PDZD2: variants seen among roughly 807,000 people sequenced by gnomAD.
The protein encoded by PDZD2 is PDZ domain containing 2, also known as PDZ domain-containing protein 2.
PDZD2 carries 90 observed loss-of-function variants against 220.7 expected under a neutral mutation model. The observed-to-expected ratio is 0.41, with a 90% CI of 0.34 to 0.49. PDZD2 has a LOEUF of 0.49. Ranked by LOEUF, PDZD2 falls within the 20% of genes least tolerant of loss-of-function variation. The pLI is 0.28. For missense variants in PDZD2, 3,174 were observed against 3,608.5 expected (o/e 0.88, Z 3.08); for synonymous variants, 1,375 against 1,450.5 (o/e 0.95, Z 1.18).
chr5:31,848,025 A>G, intron 2 of PDZD2: 1 of 374,026 alleles, frequency 2.7e-6, no homozygotes, highest in Non-Finnish European at 5.2e-6. Flanking sequence ...ATCTATGAGA[A>G]GAAGCCTAAG....
chr5:31,775,563 G>C (rs935655455), intron 1 of PDZD2, among the ~76,000 whole-genome samples: 1 of 152,024 alleles, frequency 6.6e-6, no homozygotes, highest in African/African-American at 2.4e-5. Context: ...CAACTGTTTG[G>C]CCCAAGTCAA....
chr5:31,888,747 G>A (rs2150345277), intron 2 of PDZD2, among the ~76,000 whole-genome samples: 1 of 152,300 alleles, frequency 6.6e-6, no homozygotes, highest in South Asian at 2.1e-4. Context: ...CCTGAGAGAA[G>A]TCCGTAAGCT....
intron 1 of PDZD2, among the ~76,000 whole-genome samples, chr5:31,762,048 G>T (rs185765509): frequency 6.6e-6 from 1 of 152,112 alleles, no homozygotes; most frequent in East Asian, 1.9e-4. Context: ...TAAACAACCA[G>T]ATCTGGTGAG....
At chr5:31,795,362 A>C (rs1307169300) in intron 1 of PDZD2, among the ~76,000 whole-genome samples, 21 of 152,228 alleles carry the variant, frequency 1.4e-4, no homozygotes, top group Admixed American at 1.4e-3. Context: ...AAATTATCTC[A>C]GTAACAGAAG....
intron 2 of PDZD2, among the ~76,000 whole-genome samples, chr5:31,826,444 G>A (rs1299401209): frequency 5.9e-5 from 9 of 152,008 alleles, no homozygotes; most frequent in African/African-American, 1.7e-4. Context: ...AAGCCGAGGC[G>A]GGTGGATCAT....
In PDZD2 at chr5:32,061,113, C is replaced by T; in HGVS notation, c.2430C>T (p.Ile810=). The change falls in exon 14 of 25, where the codon ATC becomes ATT. Residue 810 remains isoleucine, a synonymous_variant. Coordinates refer to ENST00000438447, the MANE Select transcript of PDZD2 (RefSeq NM_178140.4). ...KCPPGPVRLV[I]GRHPNPKVSE... Reference sequence around the variant, plus strand: ...CTCCAGGACCCGTTCGCCTTGTCATCGGCCGGCACCCTAATCCAAAGGTGA... The same window carrying T: ...CTCCAGGACCCGTTCGCCTTGTCATTGGCCGGCACCCTAATCCAAAGGTGA... 3 of 1,614,162 alleles carry T rather than the reference C, an allele frequency of 1.9e-6. No homozygotes were observed. The highest frequency in any genetic ancestry group is 1.7e-6 in the Non-Finnish European group (2 of 1,180,014).
At chr5:31,677,288 C>G (rs984171621) in intron 1 of PDZD2, among the ~76,000 whole-genome samples, 1 of 151,936 alleles carries the variant, frequency 6.6e-6, no homozygotes, top group African/African-American at 2.4e-5. Context: ...AGAGTGAGAC[C>G]CTGTCTCTAA....
At chr5:31,879,393 G>GAA (rs11320736) in intron 2 of PDZD2, among the ~76,000 whole-genome samples, 2 of 130,682 alleles carry the variant, frequency 1.5e-5, no homozygotes, top group African/African-American at 2.8e-5. Context: ...TCTCAAAAAG[G>GAA]AAAAAAAAAA....
chr5:31,665,903 G>C (rs1487691188), intron 1 of PDZD2, among the ~76,000 whole-genome samples: 1 of 152,224 alleles, frequency 6.6e-6, no homozygotes, highest in East Asian at 1.9e-4. Flanking sequence ...CTAGAGAAAA[G>C]AGAGGCAGGG....
chr5:31,953,158 C>T (rs1396920331), intron 2 of PDZD2, among the ~76,000 whole-genome samples: 1 of 151,548 alleles, frequency 6.6e-6, no homozygotes. Flanking sequence ...AAGAGTGTGG[C>T]ATAGGAACTG....
chr5:31,983,761 G>A (rs912730825), intron 3 of PDZD2, 105 bp downstream of exon 3: 7 of 1,155,594 alleles, frequency 6.1e-6, no homozygotes, highest in Non-Finnish European at 8.7e-6. Context: ...CTCAGAACCA[G>A]AATTTTGAAA....
At chr5:31,924,785 A>G (rs2062483527) in intron 2 of PDZD2, among the ~76,000 whole-genome samples, 1 of 152,244 alleles carries the variant, frequency 6.6e-6, no homozygotes, top group Admixed American at 6.5e-5. Context: ...GAGCTCCCAG[A>G]GCCTTGAGGC....
At chr5:31,754,625 C>T (rs1751203919) in intron 1 of PDZD2, 1 of 152,096 alleles carries the variant, frequency 6.6e-6, no homozygotes, top group African/African-American at 2.4e-5. Context: ...GTAGAGCATG[C>T]CTTTAAAAGA....
In PDZD2 at chr5:32,089,725, G is replaced by T; in HGVS notation, c.6277G>T (p.Val2093Leu). 1 of 1,614,174 alleles carries T rather than the reference G, an allele frequency of 6.2e-7. No homozygotes were observed. The highest frequency in any genetic ancestry group is 2.2e-5 in the East Asian group (1 of 44,868). The stretch of plus-strand genomic sequence containing the variant: ...CGAAAGAACAAACCAGCTGAAAATC[G>T]TGGAGATTTCTGCTGAAGCAGTGTC... ...RLERTNQLKIVEISAEAVSET... is the reference protein window; with the variant it reads ...RLERTNQLKILEISAEAVSET... Residue 2093 changes from valine to leucine, a missense_variant, in exon 20 of 25, where the codon GTG (valine) becomes TTG (leucine). Val to Leu is a conservative substitution (Grantham distance 32). Transcript: ENST00000438447.
At chr5:31,701,180 G>A (rs1281984359) in intron 1 of PDZD2, among the ~76,000 whole-genome samples, 1 of 147,990 alleles carries the variant, frequency 6.8e-6, no homozygotes, top group African/African-American at 2.5e-5. Context: ...TATGGAAAGG[G>A]GGCAGGCCTG....
chr5:32,057,997 T>G lies in PDZD2; in HGVS notation c.2094T>G (p.Ser698Arg). The G allele has an allele frequency of 6.2e-7, 1 of 1,613,132 alleles. No homozygotes were observed. The highest frequency in any genetic ancestry group is 8.5e-7 in the Non-Finnish European group (1 of 1,179,180). Residue 698 changes from serine to arginine, a missense_variant, in exon 12 of 25, where the codon AGT becomes AGG. Around this residue, in one of 4 missense-constraint regions of PDZD2, gnomAD observed 1,861 missense variants for 2,001.0 expected, o/e 0.93. Transcript: ENST00000438447. The stretch of plus-strand genomic sequence containing the variant: ...CCGCCTCCCCGAACTTCAATACCAG[T>G]GGGGGAGCCTCAGCGGGAGGTTCCG... Reference protein sequence around the residue: ...SRSASPNFNTSGGASAGGSDE... With the variant: ...SRSASPNFNTRGGASAGGSDE...
chr5:32,087,876 G>A lies in PDZD2; in HGVS notation c.4428G>A (p.Pro1476=), dbSNP rs201389385. The change falls in exon 20 of 25, where the codon CCG becomes CCA. Residue 1476 remains proline (P), a synonymous_variant. Transcript: ENST00000438447. The surrounding 1 kb of genome is among the most constrained non-coding windows in gnomAD (Gnocchi z 4.0). ...GGSSCRAEPV[P]GGQTSSPRRA... ...GCTCCTGCCGTGCCGAACCAGTCCC[G>A]GGGGGCCAGACCTCCTCCCCGAGGA... 4.2e-5 allele frequency: 67 copies of A among 1,611,914 alleles called. No homozygotes were observed. The highest frequency in any genetic ancestry group is 2.7e-4 in the African/African-American group (20 of 74,996).
chr5:32,063,262 C>T (rs1038111828), intron 14 of PDZD2, among the ~76,000 whole-genome samples: 4 of 152,076 alleles, frequency 2.6e-5, no homozygotes, highest in African/African-American at 9.7e-5. Flanking sequence ...CCAGGCTGGT[C>T]TCAAACTCCT....
At chr5:31,824,859 T>C (rs1431309465) in intron 2 of PDZD2, among the ~76,000 whole-genome samples, 1 of 152,196 alleles carries the variant, frequency 6.6e-6, no homozygotes, top group East Asian at 1.9e-4. Context: ...TCAAATATCA[T>C]AGGAGGTTTT....
Sources: allele counts gnomAD v4.1 joint callset (sites outside exome capture counted in the v4.1 genomes callset), GRCh38; gene constraint gnomAD v4.1.1; regional missense constraint gnomAD v4.1.1; non-coding constraint Gnocchi (gnomAD v3.1); transcripts MANE v1.5; gene names NCBI Gene and HGNC (gene_info 2026-07-23, HGNC 2026-07-21).